Variants in DRC5 observed in about 807,000 individuals in gnomAD.
DRC5 encodes dynein regulatory complex subunit 5.
At chr6:44,288,993 C>CAAAAAAAAAAAAAAAAAA in the DRC5 span, among the ~76,000 whole-genome samples, 10 of 32,828 alleles carry the variant, frequency 3.0e-4, no homozygotes, top group African/African-American at 1.5e-3. Flanking sequence ...GACTCTGTCT[C>CAAAAAAAAAAAAAAAAAA]AAAAAAAAAA....
At chr6:44,286,392 G>A in the DRC5 span, 1 of 1,614,158 alleles carries the variant, frequency 6.2e-7, no homozygotes, top group South Asian at 1.1e-5. Context: ...TGGCACACGG[G>A]CCAGCGATGC....
At chr6:44,293,986 CT>C in the DRC5 span, among the ~76,000 whole-genome samples, 162 of 146,762 alleles carry the variant, frequency 1.1e-3, no homozygotes, top group Non-Finnish European at 1.2e-3. Context: ...ATGTAGCAAA[CT>C]TTTTTTTTTT....
the DRC5 span, among the ~76,000 whole-genome samples, chr6:44,293,813 C>T: frequency 1.3e-5 from 2 of 152,162 alleles, no homozygotes; most frequent in African/African-American, 4.8e-5. Context: ...AGTCTTCATC[C>T]CTGTTAGGGT....
chr6:44,285,166 T>C, the DRC5 span, among the ~76,000 whole-genome samples: 1 of 152,216 alleles, frequency 6.6e-6, no homozygotes, highest in African/African-American at 2.4e-5. Flanking sequence ...TCCTCCTCCT[T>C]CTAATCTCTA....
At chr6:44,293,629 C>T in the DRC5 span, among the ~76,000 whole-genome samples, 2 of 152,204 alleles carry the variant, frequency 1.3e-5, no homozygotes, top group Admixed American at 1.3e-4. Flanking sequence ...AGCCACAATA[C>T]ACTACCCCTC....
At chr6:44,289,098 C>T in the DRC5 span, among the ~76,000 whole-genome samples, 1 of 109,274 alleles carries the variant, frequency 9.2e-6, no homozygotes, top group African/African-American at 3.6e-5. Flanking sequence ...AGTGCAATGG[C>T]GCGATTTTGG....
the DRC5 span, among the ~76,000 whole-genome samples, chr6:44,281,427 C>T: frequency 9.2e-3 from 1,395 of 152,326 alleles, 88 homozygotes; most frequent in East Asian, 0.17. Flanking sequence ...CACTGTCACC[C>T]AGGCTGGAGT....
chr6:44,291,634 T>G, the DRC5 span, among the ~76,000 whole-genome samples: 1 of 152,330 alleles, frequency 6.6e-6, no homozygotes, highest in African/African-American at 2.4e-5. Flanking sequence ...CCAAGGTCCC[T>G]CAGAATTCCG....
At chr6:44,289,827 C>T in the DRC5 span, among the ~76,000 whole-genome samples, 1 of 152,220 alleles carries the variant, frequency 6.6e-6, no homozygotes, top group African/African-American at 2.4e-5. Flanking sequence ...GGAGGAAAGC[C>T]CAAATGGGGC....
At chr6:44,280,248 C>T in the DRC5 span, 27 of 1,614,054 alleles carry the variant, frequency 1.7e-5, no homozygotes, top group African/African-American at 1.6e-4. Flanking sequence ...ATTCAGGGCC[C>T]GCTGGCGGGC....
At chr6:44,282,365 A>G in the DRC5 span, 188 of 1,614,202 alleles carry the variant, frequency 1.2e-4, no homozygotes, top group East Asian at 3.5e-3. Context: ...CACCGGGTGC[A>G]CGCACCTGGT....
chr6:44,287,506 C>T, the DRC5 span: 40 of 1,566,584 alleles, frequency 2.6e-5, no homozygotes, highest in South Asian at 8.4e-5. Flanking sequence ...CCTAGCCCCC[C>T]TCTTGGCCTT....
the DRC5 span, chr6:44,280,367 T>A: frequency 3.5e-5 from 57 of 1,613,422 alleles, no homozygotes; most frequent in Non-Finnish European, 4.7e-5. Context: ...CTGACATGCC[T>A]TCCAGGAGCT....
At chr6:44,292,853 G>T in the DRC5 span, among the ~76,000 whole-genome samples, 1 of 152,164 alleles carries the variant, frequency 6.6e-6, no homozygotes, top group African/African-American at 2.4e-5. Flanking sequence ...GATAGACAGA[G>T]ACAGCATCCT....
the DRC5 span, chr6:44,280,352 G>C: frequency 6.2e-7 from 1 of 1,613,998 alleles, no homozygotes; most frequent in Admixed American, 1.7e-5. Flanking sequence ...GGAGGGTCTT[G>C]TTGTCTGACA....
chr6:44,286,930 T>C, the DRC5 span, among the ~76,000 whole-genome samples: 11 of 152,362 alleles, frequency 7.2e-5, no homozygotes, highest in Admixed American at 3.3e-4. Flanking sequence ...GGTAGCACTA[T>C]GAGAGACTAC....
the DRC5 span, among the ~76,000 whole-genome samples, chr6:44,294,835 A>AAAGG: frequency 6.6e-6 from 1 of 151,774 alleles, no homozygotes; most frequent in Non-Finnish European, 1.5e-5. Context: ...ATAACCACAG[A>AAAGG]AAGGAGAGGA....
the DRC5 span, chr6:44,286,155 C>T: frequency 1.9e-5 from 31 of 1,613,614 alleles, no homozygotes; most frequent in Non-Finnish European, 2.5e-5. Context: ...TCCTCCATCT[C>T]TCCCTCGCTG....
chr6:44,287,600 C>A, the DRC5 span: 2 of 1,614,038 alleles, frequency 1.2e-6, no homozygotes, highest in Non-Finnish European at 1.7e-6. Context: ...AGGAGGGGCA[C>A]GATGGCCAGT....
Sources: gnomAD v4.1 joint callset for allele counts (sites outside exome capture counted in the v4.1 genomes callset) on GRCh38, gnomAD v4.1.1 for gene constraint, MANE v1.5 for transcripts, NCBI Gene and HGNC (gene_info 2026-07-23, HGNC 2026-07-21) for gene names.